SLIT2: variants seen among roughly 807,000 people sequenced by gnomAD.
The protein encoded by SLIT2 is slit guidance ligand 2, also known as slit homolog 2 protein.
In SLIT2, 41 loss-of-function variants were observed where a neutral mutation model predicts 185.7. The observed-to-expected ratio is 0.22, with a 90% CI of 0.17 to 0.29. The LOEUF is 0.29. Among genes scored for constraint, SLIT2 ranks in the 10% least tolerant of loss-of-function variants. The pLI is 1.00. For synonymous variants in SLIT2, 693 were observed against 680.2 expected, an observed-to-expected ratio of 1.02 and a Z score of -0.29; for missense variants, 1,571 against 1,909.0, an observed-to-expected ratio of 0.82 and a Z score of 3.30.
chr4:20,532,844 C>T (rs6816854), intron 17 of SLIT2, among the ~76,000 whole-genome samples: 74,631 of 152,042 alleles, frequency 0.49, 18,606 homozygotes, highest in East Asian at 0.64. Flanking sequence ...TCTTTTTAGC[C>T]ATAAGATGAT....
chr4:20,604,929 G>A (rs765820079), intron 33 of SLIT2, among the ~76,000 whole-genome samples: 2 of 151,490 alleles, frequency 1.3e-5, no homozygotes, highest in African/African-American at 2.4e-5. Flanking sequence ...TCCACCTCCC[G>A]GGTTCAAGCG....
chr4:20,597,017 C>T (rs775998237), intron 32 of SLIT2, among the ~76,000 whole-genome samples: 42 of 151,064 alleles, frequency 2.8e-4, no homozygotes, highest in Non-Finnish European at 4.1e-4. Flanking sequence ...AGGGTGCAGG[C>T]GAGAAAGAAC....
In SLIT2 at chr4:20,511,679, C is replaced by T. The variant is rs545086629; in HGVS notation, c.1058+542C>T. 1.0e-4 allele frequency among the ~76,000 whole-genome samples: 15 copies of T among 149,154 alleles called. No homozygotes were observed. In the East Asian group the frequency reaches 1.8e-3, roughly 18 times the overall value. On this transcript the variant is annotated intron_variant, in intron 11 of 36. Transcript: ENST00000504154. Reference sequence around the variant, plus strand: ...TCCTGACCTCGTGATCCGCCCGTCTCGGCCTCCCAAAGTGCTGGGATTACA... The same window carrying T: ...TCCTGACCTCGTGATCCGCCCGTCTTGGCCTCCCAAAGTGCTGGGATTACA...
chr4:20,599,243 G>A (rs1728226918), intron 33 of SLIT2, among the ~76,000 whole-genome samples: 1 of 152,004 alleles, frequency 6.6e-6, no homozygotes, highest in African/African-American at 2.4e-5. Context: ...GTATTCGTGG[G>A]GTATAATTTT....
At chr4:20,377,421 G>A (rs1724114978) in intron 4 of SLIT2, among the ~76,000 whole-genome samples, 1 of 152,098 alleles carries the variant, frequency 6.6e-6, no homozygotes, top group South Asian at 2.1e-4. Context: ...TATATAAAAT[G>A]GGAGGTATTA....
intron 14 of SLIT2, among the ~76,000 whole-genome samples, chr4:20,524,693 G>A (rs555256931): frequency 1.5e-4 from 23 of 152,238 alleles, no homozygotes; most frequent in South Asian, 1.0e-3. Context: ...GCATACAACC[G>A]TGAGGATGCG....
chr4:20,348,363 C>A (rs1467628288), intron 4 of SLIT2, among the ~76,000 whole-genome samples: 1 of 151,498 alleles, frequency 6.6e-6, no homozygotes, highest in Non-Finnish European at 1.5e-5. Flanking sequence ...CTCAGCCTCC[C>A]AAGTAGCCGG....
intron 18 of SLIT2, among the ~76,000 whole-genome samples, chr4:20,534,687 T>C (rs1337638228): frequency 1.3e-5 from 2 of 152,042 alleles, no homozygotes; most frequent in African/African-American, 2.4e-5. Flanking sequence ...AAACCCACGA[T>C]CCTGCCCCGC....
chr4:20,607,422 C>T lies in SLIT2; in HGVS notation c.3693-2591C>T, dbSNP rs368287110. On this transcript the variant is annotated intron_variant, in intron 33 of 36. Coordinates refer to ENST00000504154, the MANE Select transcript of SLIT2 (RefSeq NM_004787.4). ...GATATATGTTATTCCTAATACATCT[C>T]TCTTGTATTTACTTACCACATATTT... Among the ~76,000 whole-genome samples the T allele has an allele frequency of 2.8e-3, 423 of 152,228 alleles. 4 individuals are homozygous for T. The highest frequency in any genetic ancestry group is 9.8e-3 in the African/African-American group (409 of 41,536).
At chr4:20,468,808 A>G (rs1714646667) in intron 5 of SLIT2, among the ~76,000 whole-genome samples, 1 of 151,772 alleles carries the variant, frequency 6.6e-6, no homozygotes, top group Non-Finnish European at 1.5e-5. Flanking sequence ...CTTTTTCAAG[A>G]ATTAACTTAT....
At chr4:20,286,646 C>CA in intron 4 of SLIT2, among the ~76,000 whole-genome samples, 1 of 152,112 alleles carries the variant, frequency 6.6e-6, no homozygotes, top group South Asian at 2.1e-4. Context: ...ACTAAAAATA[C>CA]AAAAAATTAG....
At chr4:20,424,521 AC>A (rs1010775221) in intron 4 of SLIT2, among the ~76,000 whole-genome samples, 97 of 152,224 alleles carry the variant, frequency 6.4e-4, no homozygotes, top group African/African-American at 2.2e-3. Flanking sequence ...CCATTTATTC[AC>A]AGAACATACA....
chr4:20,618,717 T>C, intron 36 of SLIT2, 51 bp from the exon 37 acceptor site: 1 of 1,518,380 alleles, frequency 6.6e-7, no homozygotes, highest in Non-Finnish European at 8.9e-7. Context: ...TCACTCTGCA[T>C]GACTTACAGT....
intron 29 of SLIT2, among the ~76,000 whole-genome samples, chr4:20,573,851 A>G (rs1725835958): frequency 6.6e-6 from 1 of 152,132 alleles, no homozygotes. Context: ...TTTAAGCATA[A>G]AAATGCCATA....
intron 29 of SLIT2, among the ~76,000 whole-genome samples, chr4:20,580,067 A>ATGTATATATTATATATTATGTATATAT (rs1726423042): frequency 9.0e-5 from 3 of 33,196 alleles, no homozygotes; most frequent in African/African-American, 2.3e-4. Context: ...TGTATATATT[A>ATGTATATATTATATATTATGTATATAT]TATATATATA....
chr4:20,541,420 C>G lies in SLIT2; in HGVS notation c.1977-33C>G, dbSNP rs754404196. On this transcript the variant is annotated intron_variant, in intron 19 of 36. Coordinates refer to ENST00000504154, the MANE Select transcript of SLIT2 (RefSeq NM_004787.4). ...AGAAGGAAGAAGATGAAACCCCAGG[C>G]TAAACTGTGCATCGTTTGCCTGTGG... 4 of 1,606,802 alleles carry G rather than the reference C, an allele frequency of 2.5e-6. No individual in the cohort carries two copies. The African/African-American group carries it at 5.4e-5, about 21-fold the overall frequency.
intron 4 of SLIT2, among the ~76,000 whole-genome samples, chr4:20,454,654 G>A (rs1560436909): frequency 6.6e-6 from 1 of 152,126 alleles, no homozygotes; most frequent in African/African-American, 2.4e-5. Flanking sequence ...AGGCAGGTTT[G>A]CCATCTAAAG....
rs2148874473 is a variant in SLIT2 at position 20,539,490 on chromosome 4, G to C, written c.1882G>C (p.Gly628Arg). ...ITCVGNDSFI[G>R]LSSVRLLSLY... is the part of the protein sequence containing the mutation. The stretch of plus-strand genomic sequence containing the variant: ...CTGTGTGGGGAATGACAGTTTCATA[G>C]GACTCAGTTCTGTGCGTTTGCTTTC... The change falls in exon 19 of 37, where the codon GGA (glycine) becomes CGA (arginine). Residue 628 changes from glycine to arginine, a missense_variant. By Grantham distance (125) the Gly-to-Arg change is moderately radical. Coordinates refer to ENST00000504154, the MANE Select transcript of SLIT2 (RefSeq NM_004787.4). 6.2e-7 allele frequency: 1 copy of C among 1,613,530 alleles called. No individual in the cohort carries two copies. Among genetic ancestry groups the C allele is most frequent in the East Asian group, 2.2e-5 (1 of 44,802 alleles).
intron 4 of SLIT2, among the ~76,000 whole-genome samples, chr4:20,406,419 C>G (rs1726779318): frequency 7.0e-6 from 1 of 143,280 alleles, no homozygotes; most frequent in African/African-American, 2.4e-5. Context: ...TACAGATTCT[C>G]TATCTTTAAA....
Sources: gnomAD v4.1 joint callset for allele counts (sites outside exome capture counted in the v4.1 genomes callset) on GRCh38, gnomAD v4.1.1 for gene constraint, MANE v1.5 for transcripts, NCBI Gene and HGNC (gene_info 2026-07-23, HGNC 2026-07-21) for gene names.